TNNI3K: variants seen among roughly 807,000 people sequenced by gnomAD.
TNNI3K encodes TNNI3 interacting kinase, also known as serine/threonine-protein kinase TNNI3K.
In TNNI3K, 140 loss-of-function variants were observed where a neutral mutation model predicts 114.5. The ratio of observed to expected loss-of-function variants is 1.22; its 90% CI spans 1.07 to 1.41. The LOEUF (loss-of-function observed/expected upper bound fraction) is 1.41, where lower values mean the gene tolerates loss of function less well. TNNI3K is among the 40% of genes most tolerant of loss of function. The pLI is 0.00. For synonymous variants in TNNI3K, 347 were observed against 347.5 expected (o/e 1.00, Z 0.02); for missense variants, 1,125 against 1,007.6 (o/e 1.12, Z -1.58).
Position 74,261,219 on chromosome 1 carries a change from T to A in TNNI3K, c.334-10379T>A, listed in dbSNP as rs553594. Among the ~76,000 whole-genome samples the A allele has an allele frequency of 2.7e-3, 403 of 151,986 alleles. 2 individuals carry two copies. Among genetic ancestry groups the A allele is most frequent in the African/African-American group, 9.2e-3 (380 of 41,466 alleles). On this transcript the variant is annotated intron_variant, in intron 4 of 24. Transcript: ENST00000326637. Reference sequence around the variant, plus strand: ...TAAAATTTGATATTAAAATTTATAATCCCACTTACTTTGGCTCACATAAGC... The same window carrying A: ...TAAAATTTGATATTAAAATTTATAAACCCACTTACTTTGGCTCACATAAGC...
chr1:74,460,009 A>G (rs947979142), intron 20 of TNNI3K, among the ~76,000 whole-genome samples: 3 of 152,164 alleles, frequency 2.0e-5, no homozygotes, highest in African/African-American at 7.2e-5. Flanking sequence ...TAAAAACTCA[A>G]TTTATCAGTC....
intron 2 of TNNI3K, among the ~76,000 whole-genome samples, chr1:74,246,857 A>G (rs1370679709): frequency 2.0e-5 from 3 of 152,328 alleles, no homozygotes; most frequent in Admixed American, 2.0e-4. Context: ...AAATCATTTC[A>G]TCAGTGTGGT....
chr1:74,510,859 T>C, intron 23 of TNNI3K, among the ~76,000 whole-genome samples: 1 of 152,252 alleles, frequency 6.6e-6, no homozygotes, highest in Non-Finnish European at 1.5e-5. Flanking sequence ...TCTTGTATTC[T>C]TGTATAAAGA....
Position 74,342,836 on chromosome 1 carries a change from T to A in TNNI3K, c.683-6T>A, listed in dbSNP as rs781173874. ...AACATATCTTTTTCTTTCTTGCTGA[T>A]AACAGTGAATGCTCAAGATAATGAA... On this transcript the variant is annotated splice_polypyrimidine_tract_variant and splice_region_variant and intron_variant, in intron 7 of 24. Coordinates refer to ENST00000326637, the MANE Select transcript of TNNI3K (RefSeq NM_015978.3). 15 of 1,613,528 alleles carry A rather than the reference T, an allele frequency of 9.3e-6. No homozygotes were observed. Among genetic ancestry groups the A allele is most frequent in the Non-Finnish European group, 1.3e-5 (15 of 1,179,782 alleles).
At chr1:74,479,720 G>C (rs1199038497) in intron 21 of TNNI3K, among the ~76,000 whole-genome samples, 4 of 152,194 alleles carry the variant, frequency 2.6e-5, no homozygotes, top group Non-Finnish European at 5.9e-5. Flanking sequence ...GCACACAAAT[G>C]TAAGTGCCTT....
intron 20 of TNNI3K, among the ~76,000 whole-genome samples, chr1:74,462,785 A>T (rs1252108100): frequency 2.6e-5 from 4 of 152,334 alleles, no homozygotes; most frequent in African/African-American, 9.6e-5. Context: ...CAAAACAGTG[A>T]TGCAGACTTT....
intron 9 of TNNI3K, among the ~76,000 whole-genome samples, chr1:74,351,459 C>G (rs976805749): frequency 3.3e-5 from 5 of 151,980 alleles, no homozygotes; most frequent in African/African-American, 1.2e-4. Flanking sequence ...AGTTGCTCTT[C>G]TCGGGGAGTA....
chr1:74,531,211 G>T (rs1046827399), intron 23 of TNNI3K, among the ~76,000 whole-genome samples: 6 of 152,186 alleles, frequency 3.9e-5, no homozygotes, highest in Non-Finnish European at 8.8e-5. Context: ...TTTGGCACTT[G>T]CCCATTCTCT....
At chr1:74,296,656 T>A (rs143766376) in intron 5 of TNNI3K, among the ~76,000 whole-genome samples, 6 of 152,066 alleles carry the variant, frequency 3.9e-5, no homozygotes, top group African/African-American at 1.4e-4. Flanking sequence ...GAAAAAAAAA[T>A]GACTTATTCA....
intron 5 of TNNI3K, among the ~76,000 whole-genome samples, chr1:74,309,554 C>T (rs1658863014): frequency 6.6e-6 from 1 of 151,714 alleles, no homozygotes; most frequent in East Asian, 1.9e-4. Context: ...ATATAAAAGT[C>T]TTCAACAATA....
Position 74,432,388 on chromosome 1 carries a change from A to G in TNNI3K, c.1773-3692A>G, listed in dbSNP as rs560444915. Among the ~76,000 whole-genome samples the G allele has an allele frequency of 5.9e-5, 9 of 152,072 alleles. No individual in the cohort carries two copies. The South Asian group carries it at 1.7e-3, about 28-fold the overall frequency. Reference sequence around the variant, plus strand: ...TAGAAGAGCAAATGGATGTAAATAAACCTCTTGGGTGGTCTTTTGAAGGAA... The same window carrying G: ...TAGAAGAGCAAATGGATGTAAATAAGCCTCTTGGGTGGTCTTTTGAAGGAA... On this transcript the variant is annotated intron_variant, in intron 17 of 24. Coordinates refer to ENST00000326637, the MANE Select transcript of TNNI3K (RefSeq NM_015978.3).
At chr1:74,263,418 C>T (rs1174561756) in intron 4 of TNNI3K, among the ~76,000 whole-genome samples, 3 of 151,854 alleles carry the variant, frequency 2.0e-5, no homozygotes, top group Admixed American at 6.6e-5. Context: ...CTTAGAACAA[C>T]GCTTGATATA....
intron 16 of TNNI3K, 200 bp downstream of exon 16, chr1:74,369,785 C>A: frequency 1.8e-6 from 1 of 570,708 alleles, no homozygotes; most frequent in Non-Finnish European, 2.6e-6. Context: ...GCTTTCTTAG[C>A]AGAAATTCAG....
chr1:74,363,845 AG>A (rs1164372973), intron 11 of TNNI3K, among the ~76,000 whole-genome samples: 1 of 151,880 alleles, frequency 6.6e-6, no homozygotes, highest in Non-Finnish European at 1.5e-5. Flanking sequence ...ATTAAGTAAA[AG>A]GAAGATTCCA....
chr1:74,325,594 G>T (rs141540431), intron 5 of TNNI3K, among the ~76,000 whole-genome samples: 19 of 152,284 alleles, frequency 1.2e-4, no homozygotes, highest in Admixed American at 2.6e-4. Context: ...ATGAGAATGG[G>T]CAATTAGGGG....
At chr1:74,408,770 G>A (rs1664741642) in intron 17 of TNNI3K, among the ~76,000 whole-genome samples, 1 of 152,112 alleles carries the variant, frequency 6.6e-6, no homozygotes, top group Non-Finnish European at 1.5e-5. Context: ...AATGCAACAT[G>A]GTAATGTATT....
intron 2 of TNNI3K, among the ~76,000 whole-genome samples, chr1:74,246,582 A>G (rs192302846): frequency 6.6e-6 from 1 of 152,330 alleles, no homozygotes; most frequent in East Asian, 1.9e-4. Flanking sequence ...ACCACAAGAA[A>G]AAAAAACAAA....
chr1:74,246,832 T>TAAACA (rs1654590833), intron 2 of TNNI3K, among the ~76,000 whole-genome samples: 1 of 152,194 alleles, frequency 6.6e-6, no homozygotes, highest in Admixed American at 6.5e-5. Context: ...TGTTTTGCTG[T>TAAACA]TTTCAAAGTG....
chr1:74,257,605 TTTGATTTTTTG>T (rs749403592), intron 4 of TNNI3K, among the ~76,000 whole-genome samples: 1 of 151,866 alleles, frequency 6.6e-6, no homozygotes, highest in Non-Finnish European at 1.5e-5. Context: ...TCAGTCTTGA[TTTGATTTTTTG>T]TTAGGCTGAA....
Sources: allele counts gnomAD v4.1 joint callset (sites outside exome capture counted in the v4.1 genomes callset), GRCh38; gene constraint gnomAD v4.1.1; transcripts MANE v1.5; gene names NCBI Gene and HGNC (gene_info 2026-07-23, HGNC 2026-07-21).